SIM1: variants seen among roughly 807,000 people sequenced by gnomAD.
The protein encoded by SIM1 is SIM bHLH transcription factor 1, also known as single-minded homolog 1.
Under a neutral mutation model 78.2 loss-of-function variants are expected in SIM1, and 18 were observed. That is an observed-to-expected ratio of 0.23 (90% confidence interval 0.16 to 0.34). The LOEUF is 0.34. Among genes scored for constraint, SIM1 ranks in the 10% least tolerant of loss-of-function variants. The pLI is 1.00. For synonymous variants in SIM1, 417 were observed against 385.2 expected (o/e 1.08, Z -0.97); for missense variants, 939 against 975.1 (o/e 0.96, Z 0.49).
rs1582597289 is a variant in SIM1, at chr6:100,389,603, C to T, written c.*758G>A. ...TAGAACTACTTCCAATTGAGCACTC[C>T]AGGTTTTTGATGTGTGTCCCAATAT... On this transcript the variant is annotated 3_prime_UTR_variant, in exon 12 of 12. Transcript: ENST00000369208. The T allele has an allele frequency of 2.5e-6, 1 of 398,888 alleles. No homozygotes were observed. Among genetic ancestry groups the T allele is most frequent in the East Asian group, 3.6e-5 (1 of 28,064 alleles). 24.7% of individuals were successfully genotyped at this position (398,888 alleles called of 1,614,324 possible). A position where few individuals can be genotyped will look rare whatever the true frequency, so the allele number is the denominator to read the frequency against.
At chr6:100,429,524 T>G (rs1202250630) in intron 9 of SIM1, among the ~76,000 whole-genome samples, 1 of 152,214 alleles carries the variant, frequency 6.6e-6, no homozygotes, top group Admixed American at 6.5e-5. Flanking sequence ...TATTAAATAT[T>G]TTGACCCTAA....
intron 10 of SIM1, among the ~76,000 whole-genome samples, chr6:100,402,825 C>T (rs903700435): frequency 1.3e-5 from 2 of 152,096 alleles, no homozygotes; most frequent in African/African-American, 4.8e-5. Flanking sequence ...ATCCACCCGC[C>T]TCGGCCTCCC....
intron 9 of SIM1, among the ~76,000 whole-genome samples, chr6:100,429,559 G>C (rs1410513581): frequency 6.6e-6 from 1 of 151,966 alleles, no homozygotes; most frequent in Non-Finnish European, 1.5e-5. Flanking sequence ...CCACAATAAA[G>C]TAAAAAATTA....
chr6:100,446,409 C>CA (rs1045616376), intron 9 of SIM1, among the ~76,000 whole-genome samples: 2 of 152,074 alleles, frequency 1.3e-5, no homozygotes, highest in Non-Finnish European at 2.9e-5. Flanking sequence ...CAACCTCTAC[C>CA]AAAAAAAGCG....
intron 9 of SIM1, among the ~76,000 whole-genome samples, chr6:100,446,327 G>A (rs1772353573): frequency 6.6e-6 from 1 of 152,074 alleles, no homozygotes; most frequent in Non-Finnish European, 1.5e-5. Context: ...ATTCTACTAA[G>A]TGCCTGGTGT....
At chr6:100,420,668 T>G (rs1479076935) in intron 10 of SIM1, 122 bp downstream of exon 10, 1 of 907,824 alleles carries the variant, frequency 1.1e-6, no homozygotes, top group Non-Finnish European at 1.7e-6. Context: ...CCTTCCAGAT[T>G]TATAGAAGTT....
At chr6:100,400,636 G>C (rs897449485) in intron 10 of SIM1, among the ~76,000 whole-genome samples, 4 of 152,116 alleles carry the variant, frequency 2.6e-5, no homozygotes, top group African/African-American at 9.7e-5. Flanking sequence ...ACAGGAGCCA[G>C]CTTGAAGGAA....
Position 100,393,693 on chromosome 6 carries a change from C to A in SIM1, c.1364G>T (p.Arg455Met). The change falls in exon 11 of 12, where the codon AGG (arginine) becomes ATG (methionine). Residue 455 changes from arginine (R) to methionine (M), a missense_variant. Around this residue, in one of 5 missense-constraint regions of SIM1, gnomAD observed 556 missense variants for 521.9 expected, o/e 1.07. Coordinates refer to ENST00000369208, the MANE Select transcript of SIM1 (RefSeq NM_005068.3). The part of the protein sequence containing the change: ...LCYGFALDHS[R>M]LVEERHFHTQ... The stretch of plus-strand genomic sequence containing the variant: ...ATGGAAATGCCTCTCTTCCACCAGC[C>A]TCGAGTGGTCAAGCGCAAAGCCATA... 1 of 1,614,104 alleles carries A rather than the reference C, an allele frequency of 6.2e-7. No individual in the cohort carries two copies.
chr6:100,408,379 G>A (rs911910043), intron 10 of SIM1, among the ~76,000 whole-genome samples: 1 of 151,994 alleles, frequency 6.6e-6, no homozygotes, highest in Non-Finnish European at 1.5e-5. Context: ...TTGAAGCCTG[G>A]AAGTGTGATT....
At chr6:100,445,483 A>C (rs1772330106) in intron 9 of SIM1, among the ~76,000 whole-genome samples, 1 of 152,190 alleles carries the variant, frequency 6.6e-6, no homozygotes, top group South Asian at 2.1e-4. Context: ...TGTAAAGTTG[A>C]TCATCTAATT....
chr6:100,403,981 C>G (rs1327733177), intron 10 of SIM1, among the ~76,000 whole-genome samples: 2 of 152,158 alleles, frequency 1.3e-5, no homozygotes, highest in African/African-American at 4.8e-5. Context: ...CTGTCCCATA[C>G]TTCAATATAC....
Position 100,447,402 on chromosome 6 carries a change from T to C in SIM1, c.864A>G (p.Gly288=). 6.2e-7 allele frequency: 1 copy of C among 1,614,224 alleles called. No individual in the cohort carries two copies. The highest frequency in any genetic ancestry group is 8.5e-7 in the Non-Finnish European group (1 of 1,180,032). The part of the protein sequence containing the change: ...RCAHHLLLVK[G]QVTTKYYRFL... ...ACCTGTAGTACTTGGTGGTCACCTGTCCCTTCACCAGCACTGACGGAGAGA... is the reference window on the plus strand; with the variant it reads ...ACCTGTAGTACTTGGTGGTCACCTGCCCCTTCACCAGCACTGACGGAGAGA... The change falls in exon 9 of 12, where the codon GGA becomes GGG. Residue 288 remains glycine, a synonymous_variant. Coordinates refer to ENST00000369208, the MANE Select transcript of SIM1 (RefSeq NM_005068.3).
Position 100,393,724 on chromosome 6 carries a change from G to C in SIM1, c.1333C>G (p.Leu445Val), listed in dbSNP as rs1181042125. 1 of 1,614,130 alleles carries C rather than the reference G, an allele frequency of 6.2e-7. No individual in the cohort carries two copies. Among genetic ancestry groups the C allele is most frequent in the East Asian group, 2.2e-5 (1 of 44,894 alleles). Residue 445 changes from leucine (L) to valine (V), a missense_variant, in exon 11 of 12, where the codon CTC (leucine) becomes GTC (valine). This residue lies in a region of SIM1 where 556 missense variants were observed against 521.9 expected (regional missense o/e 1.07). Coordinates refer to ENST00000369208, the MANE Select transcript of SIM1 (RefSeq NM_005068.3). ...AYRQFSDRSS[L>V]CYGFALDHSR... ...TGGTCAAGCGCAAAGCCATAGCAGA[G>C]AGAGCTGCGGTCCGAAAACTGTCTG... is the stretch of plus-strand genomic sequence containing the variant.
intron 10 of SIM1, among the ~76,000 whole-genome samples, chr6:100,398,025 A>G (rs72935902): frequency 0.11 from 16,936 of 152,160 alleles, 982 homozygotes; most frequent in Middle Eastern, 0.18. Context: ...AATTGCTGGC[A>G]AAGATGTAGG....
chr6:100,400,838 T>C (rs767904941), intron 10 of SIM1, among the ~76,000 whole-genome samples: 15 of 151,928 alleles, frequency 9.9e-5, no homozygotes, highest in Non-Finnish European at 2.2e-4. Context: ...AGTTAGAAAA[T>C]ATACATTTTG....
chr6:100,462,588 A>C (rs1256111977), intron 2 of SIM1: 1 of 152,172 alleles, frequency 6.6e-6, no homozygotes, highest in African/African-American at 2.4e-5. Context: ...CCAACCTGCC[A>C]CCCAGAAGAT....
intron 10 of SIM1, among the ~76,000 whole-genome samples, chr6:100,394,467 G>A (rs952751261): frequency 2.6e-5 from 4 of 152,098 alleles, no homozygotes; most frequent in African/African-American, 4.8e-5. Context: ...GTGCAGTGGC[G>A]TGATCATGGC....
intron 9 of SIM1, chr6:100,437,486 C>T (rs535641971): frequency 2.2e-4 from 33 of 151,662 alleles, no homozygotes; most frequent in African/African-American, 7.7e-4. Context: ...CATACGGCAG[C>T]ACAGTGTATT....
intron 9 of SIM1, among the ~76,000 whole-genome samples, chr6:100,444,586 T>G (rs1205495170): frequency 6.6e-6 from 1 of 152,108 alleles, no homozygotes; most frequent in Non-Finnish European, 1.5e-5. Flanking sequence ...CTCCAGATTT[T>G]CAGAACATAT....
Sources: gnomAD v4.1 joint callset for allele counts (sites outside exome capture counted in the v4.1 genomes callset) on GRCh38, gnomAD v4.1.1 for gene constraint, gnomAD v4.1.1 regional missense constraint, MANE v1.5 for transcripts, NCBI Gene and HGNC (gene_info 2026-07-23, HGNC 2026-07-21) for gene names.